CPAMD8: variants seen among roughly 807,000 people sequenced by gnomAD.
The protein encoded by CPAMD8 is C3 and PZP like alpha-2-macroglobulin domain containing 8.
CPAMD8 carries 146 observed loss-of-function variants against 224.7 expected under a neutral mutation model. That is an observed-to-expected ratio of 0.65 (90% confidence interval 0.57 to 0.75). The LOEUF (loss-of-function observed/expected upper bound fraction) is 0.75. CPAMD8 is among the 30% of genes least tolerant of loss of function. The pLI is 0.00. For synonymous variants in CPAMD8, 966 were observed against 1,044.6 expected, an observed-to-expected ratio of 0.92 and a Z score of 1.45; for missense variants, 2,301 against 2,537.5, an observed-to-expected ratio of 0.91 and a Z score of 2.00.
At position 16,976,101 on chromosome 19, in the gene CPAMD8, G is replaced by A. The variant is rs1315369384; in HGVS notation, c.1809C>T (p.Asp603=). 1 of 1,612,768 alleles carries A rather than the reference G, an allele frequency of 6.2e-7. No homozygotes were observed. The highest frequency in any genetic ancestry group is 8.5e-7 in the Non-Finnish European group (1 of 1,179,210). The change falls in exon 16 of 42, where the codon GAC becomes GAT. Residue 603 remains aspartate, a synonymous_variant. Transcript: ENST00000443236. The part of the protein sequence containing the change: ...ANETQPGEVV[D]LRIRAARGSC... ...TGCCCCTTGCAGCCCTGATCCGCAG[G>A]TCGACAACCTCCCCAGGTTGGGTCT...
chr19:16,989,110 T>C (rs1431265207), intron 13 of CPAMD8, among the ~76,000 whole-genome samples: 1 of 152,216 alleles, frequency 6.6e-6, no homozygotes, highest in Non-Finnish European at 1.5e-5. Flanking sequence ...AGTTGTATCA[T>C]TGTTTCATTA....
At chr19:16,896,788 G>T in intron 39 of CPAMD8, 123 bp from the exon 40 acceptor site, 1 of 600,872 alleles carries the variant, frequency 1.7e-6, no homozygotes, top group Non-Finnish European at 2.6e-6. Flanking sequence ...TGGGTCTTGG[G>T]GCGCGACAGT....
intron 18 of CPAMD8, among the ~76,000 whole-genome samples, chr19:16,967,300 G>A (rs1004816941): frequency 6.9e-6 from 1 of 144,332 alleles, no homozygotes; most frequent in Admixed American, 7.2e-5. Flanking sequence ...GAGAACACCT[G>A]GACACAGGGC....
In CPAMD8 at chr19:16,952,976, A is replaced by G. The variant is rs142566456; in HGVS notation, c.2277-776T>C. 8.3e-4 allele frequency among the ~76,000 whole-genome samples: 127 copies of G among 152,284 alleles called. 1 individual carries two copies. The Middle Eastern group carries it at 0.014, about 16-fold the overall frequency. On this transcript the variant is annotated intron_variant, in intron 19 of 41. Transcript: ENST00000443236. ...GAGCTCACACTTCAAAACTTACCACAAAGCTACCATATTCAAATCAATGTG... is the reference window on the plus strand; with the variant it reads ...GAGCTCACACTTCAAAACTTACCACGAAGCTACCATATTCAAATCAATGTG...
chr19:16,922,666 T>C (rs1037524228), intron 26 of CPAMD8, among the ~76,000 whole-genome samples: 7 of 149,930 alleles, frequency 4.7e-5, no homozygotes, highest in East Asian at 4.0e-4. Flanking sequence ...CCACACTACA[T>C]CTGAGGTCCC....
chr19:16,949,554 C>T lies in CPAMD8; in HGVS notation c.2509-2327G>A, dbSNP rs147346968. 6.7e-3 allele frequency among the ~76,000 whole-genome samples: 1,019 copies of T among 152,202 alleles called. 13 individuals are homozygous for T. The highest frequency in any genetic ancestry group is 0.023 in the African/African-American group (942 of 41,542). On this transcript the variant is annotated intron_variant, in intron 20 of 41. Coordinates refer to ENST00000443236, the MANE Select transcript of CPAMD8 (RefSeq NM_015692.5). ...TCCCATTTACTCCTCACCGAAGCCA[C>T]CCTGTGACCGCTGCCTTGGTTGCTT...
rs973894860 is a variant in CPAMD8, at chr19:16,899,747, G to A, written c.4774-198C>T. On this transcript the variant is annotated intron_variant, in intron 36 of 41. Coordinates refer to ENST00000443236, the MANE Select transcript of CPAMD8 (RefSeq NM_015692.5). This position sits in a 1 kb window ranked among gnomAD's most constrained non-coding sequence, Gnocchi z 5.4. ...AGGACGCTCAAGGATGGCTATCCCCGCTGGGAGCACCTGCCTCGCCTCCCT... is the reference window on the plus strand; with the variant it reads ...AGGACGCTCAAGGATGGCTATCCCCACTGGGAGCACCTGCCTCGCCTCCCT... 2.0e-5 allele frequency among the ~76,000 whole-genome samples: 3 copies of A among 152,000 alleles called. No individual in the cohort carries two copies. Among genetic ancestry groups the A allele is most frequent in the Non-Finnish European group, 2.9e-5 (2 of 68,000 alleles).
chr19:16,901,252 G>T lies in CPAMD8; in HGVS notation c.4731C>A (p.Pro1577=), dbSNP rs962101182. ...TGTCTGCCCGGAAGCCTGACAGCAG[G>T]GGCACCTCCAGGACAGCCATATTGG... ...GSSNMAVLEV[P]LLSGFRADIE... Residue 1577 remains proline (P), a synonymous_variant, in exon 36 of 42, where the codon CCC becomes CCA. Coordinates refer to ENST00000443236, the MANE Select transcript of CPAMD8 (RefSeq NM_015692.5). The T allele has an allele frequency of 7.4e-6, 12 of 1,612,660 alleles. No individual in the cohort carries two copies. The highest frequency in any genetic ancestry group is 1.0e-5 in the Non-Finnish European group (12 of 1,179,644).
At chr19:16,948,041 C>T (rs941648628) in intron 20 of CPAMD8, among the ~76,000 whole-genome samples, 2 of 152,028 alleles carry the variant, frequency 1.3e-5, no homozygotes, top group African/African-American at 4.8e-5. Flanking sequence ...CTCACACATA[C>T]TGGTCTCTGT....
chr19:16,999,314 C>T (rs1305982529), intron 10 of CPAMD8, among the ~76,000 whole-genome samples: 1 of 152,066 alleles, frequency 6.6e-6, no homozygotes, highest in Non-Finnish European at 1.5e-5. Flanking sequence ...GGCGCAGTGG[C>T]TCACGCCTGT....
At chr19:16,942,150 A>T (rs971653579) in intron 22 of CPAMD8, among the ~76,000 whole-genome samples, 1 of 150,874 alleles carries the variant, frequency 6.6e-6, no homozygotes, top group Non-Finnish European at 1.5e-5. Context: ...AGCCAATTAA[A>T]CCTCTTTTCT....
At position 16,925,277 on chromosome 19, in the gene CPAMD8, C is replaced by T. The variant is rs2250918; in HGVS notation, c.3466G>A (p.Val1156Ile). 17,682 of 1,614,150 alleles carry T rather than the reference C, an allele frequency of 0.011. 1,226 individuals carry two copies. In the African/African-American group the frequency reaches 0.17, roughly 16 times the overall value. The change falls in exon 26 of 42, where the codon GTC (valine) becomes ATC (isoleucine). Residue 1156 changes from valine to isoleucine, a missense_variant. Coordinates refer to ENST00000443236, the MANE Select transcript of CPAMD8 (RefSeq NM_015692.5). ...EQNMIHFAPN[V>I]FVLKYLQKTQ... ...TTCTGAAGATACTTCAAGACAAAGA[C>T]GTTGGGTGCAAAGTGGATCATGTTC...
chr19:16,936,230 A>G (rs1005356589), intron 23 of CPAMD8, among the ~76,000 whole-genome samples: 7 of 151,630 alleles, frequency 4.6e-5, no homozygotes, highest in African/African-American at 1.5e-4. Context: ...GCCCAGCTCT[A>G]TTTTTAATCT....
intron 11 of CPAMD8, among the ~76,000 whole-genome samples, chr19:16,995,878 G>A (rs901325310): frequency 1.1e-4 from 16 of 152,212 alleles, no homozygotes; most frequent in South Asian, 2.1e-4. Flanking sequence ...GACTAGGTGC[G>A]GTGGCTCCTG....
intron 18 of CPAMD8, among the ~76,000 whole-genome samples, chr19:16,959,778 A>T (rs1477285209): frequency 6.6e-6 from 1 of 151,584 alleles, no homozygotes; most frequent in Non-Finnish European, 1.5e-5. Context: ...TGACCTTGTG[A>T]TCCACCCACC....
intron 13 of CPAMD8, among the ~76,000 whole-genome samples, chr19:16,988,663 T>G (rs1599855797): frequency 6.6e-6 from 1 of 151,882 alleles, no homozygotes; most frequent in East Asian, 1.9e-4. Context: ...AATGCATGCA[T>G]GCATTCTGCA....
At chr19:16,982,528 T>C (rs370638614) in intron 13 of CPAMD8, among the ~76,000 whole-genome samples, 45 of 152,060 alleles carry the variant, frequency 3.0e-4, no homozygotes, top group African/African-American at 1.1e-3. Flanking sequence ...ATTTGGAAAA[T>C]TTGAGCAGCA....
At chr19:17,021,484 A>G (rs995625138) in intron 2 of CPAMD8, among the ~76,000 whole-genome samples, 48 of 152,176 alleles carry the variant, frequency 3.2e-4, no homozygotes, top group African/African-American at 1.1e-3. Context: ...GGCATGAGGA[A>G]TGAGTCTACC....
intron 13 of CPAMD8, among the ~76,000 whole-genome samples, chr19:16,981,914 G>A (rs2055528431): frequency 6.6e-6 from 1 of 152,230 alleles, no homozygotes; most frequent in African/African-American, 2.4e-5. Flanking sequence ...ATGAGATGAT[G>A]TGTGTGTCAT....
Sources: allele counts gnomAD v4.1 joint callset (sites outside exome capture counted in the v4.1 genomes callset), GRCh38; gene constraint gnomAD v4.1.1; non-coding constraint Gnocchi (gnomAD v3.1); transcripts MANE v1.5; gene names NCBI Gene and HGNC (gene_info 2026-07-23, HGNC 2026-07-21).